TBL1X: variants seen among roughly 807,000 people sequenced by gnomAD.
The protein encoded by TBL1X is transducin beta like 1 X-linked.
Under a neutral mutation model 50.7 loss-of-function variants are expected in TBL1X, and 10 were observed. The ratio of observed to expected loss-of-function variants is 0.20; its 90% confidence interval spans 0.12 to 0.33. The LOEUF (loss-of-function observed/expected upper bound fraction) is 0.33. Ranked by LOEUF, TBL1X falls within the 10% of genes least tolerant of loss-of-function variation. The pLI is 1.00. For synonymous variants in TBL1X, 190 were observed against 214.7 expected, an observed-to-expected ratio of 0.88 and a Z score of 1.01; for missense variants, 340 against 504.4, an observed-to-expected ratio of 0.67 and a Z score of 3.12.
chrX:9,574,323 G>A (rs2082399657), intron 2 of TBL1X, among the ~76,000 whole-genome samples: 1 of 108,967 alleles, frequency 9.2e-6, no homozygotes, highest in African/African-American at 3.3e-5. Flanking sequence ...GTGTGGTAGT[G>A]TGTGCCTGTA....
chrX:9,691,589 G>A lies in TBL1X; in HGVS notation c.627G>A (p.Ala209=), dbSNP rs201583969. 281 of 1,208,822 alleles carry A rather than the reference G, an allele frequency of 2.3e-4. 2 individuals carry two copies. In the South Asian group the frequency reaches 4.6e-3, roughly 20 times the overall value. Residue 209 remains alanine, a synonymous_variant, in exon 8 of 18, where the codon GCG becomes GCA. Coordinates refer to ENST00000645353, the MANE Select transcript of TBL1X (RefSeq NM_005647.4). Reference sequence around the variant, plus strand: ...TGTTTGCTGTGACAGATAATCACGCGAAGCCAATGGAAATAGATGGAGAGG... The same window carrying A: ...TGTTTGCTGTGACAGATAATCACGCAAAGCCAATGGAAATAGATGGAGAGG... ...ENRAHSVNNH[A]KPMEIDGEVE...
intron 2 of TBL1X, among the ~76,000 whole-genome samples, chrX:9,505,264 A>T (rs1353268547): frequency 1.8e-5 from 2 of 111,967 alleles, no homozygotes; most frequent in Non-Finnish European, 3.8e-5. Context: ...TTTTGTTACC[A>T]CTAGGCCTGC....
intron 5 of TBL1X, among the ~76,000 whole-genome samples, chrX:9,666,433 TA>T (rs1275174920): frequency 8.7e-4 from 96 of 110,679 alleles, no homozygotes; most frequent in East Asian, 2.2e-3. Flanking sequence ...AAAAAAGTGC[TA>T]AAAAAAAATT....
intron 5 of TBL1X, 121 bp from the exon 6 acceptor site, chrX:9,683,922 G>A (rs764014394): frequency 4.5e-5 from 48 of 1,060,061 alleles, no homozygotes; most frequent in Non-Finnish European, 5.9e-5. Context: ...TTCTGCAGCC[G>A]TGTCTGTCCC....
chrX:9,529,697 C>T (rs1317978050), intron 2 of TBL1X, among the ~76,000 whole-genome samples: 1 of 108,276 alleles, frequency 9.2e-6, no homozygotes, highest in Non-Finnish European at 1.9e-5. Flanking sequence ...AACCCCAGCA[C>T]TGTGGAATGC....
At chrX:9,517,330 G>A (rs962628896) in intron 2 of TBL1X, among the ~76,000 whole-genome samples, 2 of 111,057 alleles carry the variant, frequency 1.8e-5, no homozygotes, top group South Asian at 7.7e-4. Context: ...TCTCAGTGCC[G>A]TGGTCAGATC....
chrX:9,568,439 C>G (rs772800033), intron 2 of TBL1X, among the ~76,000 whole-genome samples: 1 of 108,085 alleles, frequency 9.3e-6, no homozygotes, highest in South Asian at 4.0e-4. Context: ...TTTTGTGTGT[C>G]TGTGTGGCTA....
rs147923765 is a variant in TBL1X at position 9,660,481 on chromosome X, A to G, written c.211+6159A>G. 8.5e-4 allele frequency among the ~76,000 whole-genome samples: 95 copies of G among 112,402 alleles called. No individual in the cohort carries two copies. The Middle Eastern group carries it at 0.014, about 16-fold the overall frequency. ...AAAATCCACTTCTCACACACGCTGAATTCCCAGAGTGAGGAACTTCTGGCT... is the reference window on the plus strand; with the variant it reads ...AAAATCCACTTCTCACACACGCTGAGTTCCCAGAGTGAGGAACTTCTGGCT... On this transcript the variant is annotated intron_variant, in intron 5 of 17. Transcript: ENST00000645353.
chrX:9,533,174 G>T (rs1447136429), intron 2 of TBL1X, among the ~76,000 whole-genome samples: 3 of 112,023 alleles, frequency 2.7e-5, no homozygotes. Flanking sequence ...AACTGTGAGG[G>T]TAAGAGGTAA....
chrX:9,652,878 A>G (rs1423970326), intron 3 of TBL1X, among the ~76,000 whole-genome samples: 2 of 110,574 alleles, frequency 1.8e-5, no homozygotes, highest in African/African-American at 6.6e-5. Context: ...AAAGAAAGAA[A>G]AAAAGAGGCC....
At chrX:9,663,162 G>A (rs2082908409) in intron 5 of TBL1X, among the ~76,000 whole-genome samples, 1 of 111,312 alleles carries the variant, frequency 9.0e-6, no homozygotes. Flanking sequence ...CATGATAAGG[G>A]CTTTTTCATA....
intron 1 of TBL1X, among the ~76,000 whole-genome samples, chrX:9,466,427 C>T (rs1361694995): frequency 1.8e-5 from 2 of 112,901 alleles, no homozygotes; most frequent in Non-Finnish European, 3.7e-5. Flanking sequence ...CTCGTGTTCC[C>T]CCAGCCAGCT....
intron 1 of TBL1X, among the ~76,000 whole-genome samples, chrX:9,486,058 C>T (rs1022871753): frequency 9.1e-6 from 1 of 110,070 alleles, no homozygotes; most frequent in African/African-American, 3.3e-5. Flanking sequence ...TTCATTATGC[C>T]CTCCTCCCTT....
At chrX:9,571,597 A>G (rs1206256003) in intron 2 of TBL1X, among the ~76,000 whole-genome samples, 4 of 112,105 alleles carry the variant, frequency 3.6e-5, no homozygotes, top group Non-Finnish European at 7.5e-5. Flanking sequence ...AAAACTTACT[A>G]TCTTACACAG....
At chrX:9,668,512 T>A (rs1040108089) in intron 5 of TBL1X, among the ~76,000 whole-genome samples, 1 of 112,572 alleles carries the variant, frequency 8.9e-6, no homozygotes, top group African/African-American at 3.2e-5. Context: ...GATAAACTTG[T>A]GCAAAATTTA....
intron 2 of TBL1X, among the ~76,000 whole-genome samples, chrX:9,504,266 A>G (rs946226308): frequency 1.8e-5 from 2 of 111,841 alleles, no homozygotes; most frequent in African/African-American, 3.3e-5. Context: ...AACAACAATC[A>G]AATAAAAGGT....
At chrX:9,599,720 A>G (rs1313614954) in intron 2 of TBL1X, among the ~76,000 whole-genome samples, 1 of 112,695 alleles carries the variant, frequency 8.9e-6, no homozygotes, top group Non-Finnish European at 1.9e-5. Flanking sequence ...ACTTTTGCAT[A>G]TAGGTTTCCC....
intron 2 of TBL1X, among the ~76,000 whole-genome samples, chrX:9,511,367 C>T (rs1016143587): frequency 2.7e-5 from 3 of 111,264 alleles, no homozygotes; most frequent in African/African-American, 9.7e-5. Flanking sequence ...TTGAAATGTT[C>T]TCTCCTCAGA....
chrX:9,547,113 C>T (rs183631953), intron 2 of TBL1X, among the ~76,000 whole-genome samples: 1,226 of 110,368 alleles, frequency 0.011, 16 homozygotes, highest in African/African-American at 0.037. Context: ...CCACCGCGCC[C>T]GGCCTTATTC....
Sources: allele counts gnomAD v4.1 joint callset (sites outside exome capture counted in the v4.1 genomes callset), GRCh38; gene constraint gnomAD v4.1.1; transcripts MANE v1.5; gene names NCBI Gene and HGNC (gene_info 2026-07-23, HGNC 2026-07-21).